IRAK1BP1: variants seen among roughly 807,000 people sequenced by gnomAD.
The protein encoded by IRAK1BP1 is interleukin 1 receptor associated kinase 1 binding protein 1, also known as interleukin-1 receptor-associated kinase 1-binding protein 1.
A neutral mutation model predicts 28.0 loss-of-function variants in IRAK1BP1; 24 were observed. That is an observed-to-expected ratio of 0.86 (90% CI 0.62 to 1.20). The LOEUF is 1.20. Ranked by LOEUF, IRAK1BP1 falls within the 50% of genes most tolerant of loss-of-function variation. The probability of loss-of-function intolerance (pLI) is 0.00; values close to 1 mark genes in which losing one functional copy is unlikely to be tolerated. For synonymous variants in IRAK1BP1, 131 were observed against 116.3 expected, an observed-to-expected ratio of 1.13 and a Z score of -0.81; for missense variants, 336 against 316.7, an observed-to-expected ratio of 1.06 and a Z score of -0.46.
chr6:78,958,743 G>A, the IRAK1BP1 span: 1 of 625,582 alleles, frequency 1.6e-6, no homozygotes, highest in Non-Finnish European at 2.8e-6. Context: ...CATTTTCAAA[G>A]CAGCATAACT....
rs138185348 is a variant in IRAK1BP1 at position 78,918,735 on chromosome 6, A to G, written c.*67+15625A>G. ...TACTTCTAGACCTATAACAAGACTT[A>G]GACAGCCACACAATAATAGTGGGGG... On this transcript the variant is annotated intron_variant and NMD_transcript_variant, in intron 4 of 4. Transcript: ENST00000606868. Among the ~76,000 whole-genome samples the G allele has an allele frequency of 3.1e-3, 474 of 152,318 alleles. 2 individuals carry two copies. Among genetic ancestry groups the G allele is most frequent in the African/African-American group, 0.01 (419 of 41,562 alleles).
chr6:78,970,814 G>C, the IRAK1BP1 span: 1 of 1,609,496 alleles, frequency 6.2e-7, no homozygotes, highest in Non-Finnish European at 8.5e-7. Context: ...GTTGTTTTTT[G>C]GGATTGATAC....
At chr6:78,884,786 C>T (rs1016347603) in intron 1 of IRAK1BP1, among the ~76,000 whole-genome samples, 1 of 152,056 alleles carries the variant, frequency 6.6e-6, no homozygotes, top group Admixed American at 6.6e-5. Context: ...TTTTTTAAAA[C>T]ACTGACACTC....
intron 2 of IRAK1BP1, among the ~76,000 whole-genome samples, chr6:78,895,420 C>A (rs1360678964): frequency 6.6e-6 from 1 of 152,040 alleles, no homozygotes; most frequent in Non-Finnish European, 1.5e-5. Flanking sequence ...AAATTACAGA[C>A]CAATATCCAT....
chr6:78,918,475 G>T (rs768040639), intron 4 of IRAK1BP1, among the ~76,000 whole-genome samples: 7 of 148,414 alleles, frequency 4.7e-5, no homozygotes, highest in Non-Finnish European at 8.9e-5. Context: ...ACACTCATAG[G>T]CTCAGAGTAA....
chr6:78,968,550 G>A, the IRAK1BP1 span, among the ~76,000 whole-genome samples: 26 of 152,270 alleles, frequency 1.7e-4, no homozygotes, highest in East Asian at 3.9e-3. Context: ...ATCCATGGAG[G>A]TCCTGGAAGT....
the IRAK1BP1 span, among the ~76,000 whole-genome samples, chr6:78,965,436 T>C: frequency 6.6e-6 from 1 of 152,336 alleles, no homozygotes; most frequent in East Asian, 1.9e-4. Context: ...ATGCACACTT[T>C]CTTGGGTGAA....
intron 4 of IRAK1BP1, among the ~76,000 whole-genome samples, chr6:78,924,288 C>T (rs1386265902): frequency 1.3e-5 from 2 of 152,158 alleles, no homozygotes; most frequent in Admixed American, 6.5e-5. Flanking sequence ...ACTATAAACA[C>T]CTCTACGCAA....
At chr6:78,907,222 A>G (rs1454226135), downstream of IRAK1BP1, among the ~76,000 whole-genome samples, 3 of 152,194 alleles carry the variant, frequency 2.0e-5, no homozygotes, top group African/African-American at 2.4e-5. Flanking sequence ...GTGTTTTTCT[A>G]GTTACTGTGT....
intron 1 of IRAK1BP1, among the ~76,000 whole-genome samples, chr6:78,883,548 A>C (rs1771306096): frequency 6.6e-6 from 1 of 152,136 alleles, no homozygotes; most frequent in South Asian, 2.1e-4. Flanking sequence ...ATAATTTTTC[A>C]ATCAGAAGTT....
chr6:78,893,707 A>G (rs1300629739), intron 2 of IRAK1BP1, among the ~76,000 whole-genome samples: 2 of 152,206 alleles, frequency 1.3e-5, no homozygotes, highest in South Asian at 4.1e-4. Flanking sequence ...GTTCAAAACC[A>G]GCCTGGCCAA....
chr6:78,928,698 T>A (rs1349156294), intron 4 of IRAK1BP1, among the ~76,000 whole-genome samples: 1 of 152,134 alleles, frequency 6.6e-6, no homozygotes, highest in Non-Finnish European at 1.5e-5. Flanking sequence ...CCCTTCTATG[T>A]CCAGTTTCTT....
intron 1 of IRAK1BP1, among the ~76,000 whole-genome samples, chr6:78,868,252 C>T (rs568895875): frequency 6.6e-6 from 1 of 152,302 alleles, no homozygotes; most frequent in African/African-American, 2.4e-5. Context: ...GTGCTGGACA[C>T]TAAATATTTT....
chr6:78,898,942 A>G lies in IRAK1BP1; in HGVS notation c.*608A>G, dbSNP rs1032971512. On this transcript the variant is annotated 3_prime_UTR_variant, in exon 4 of 4. Transcript: ENST00000369940. ...CTGTTACTTCTTCATGGATGCTAACAGAAGACTTGAGATTCCCAGACAGAA... is the reference window on the plus strand; with the variant it reads ...CTGTTACTTCTTCATGGATGCTAACGGAAGACTTGAGATTCCCAGACAGAA... The G allele has an allele frequency of 2.0e-5, 3 of 152,204 alleles. No homozygotes were observed. Among genetic ancestry groups the G allele is most frequent in the Admixed American group, 2.0e-4 (3 of 15,274 alleles). The allele number at this position is 152,204 out of a possible 1,614,324, so 9.4% of individuals were successfully genotyped here. A position where few individuals can be genotyped will look rare whatever the true frequency, so the allele number is the denominator to read the frequency against.
the IRAK1BP1 span, among the ~76,000 whole-genome samples, chr6:78,978,081 A>C: frequency 6.6e-6 from 1 of 152,240 alleles, no homozygotes; most frequent in East Asian, 1.9e-4. Flanking sequence ...TCACAAGTAC[A>C]TATTCTAAAA....
At chr6:78,945,162 C>T (rs1205807244) in intron 4 of IRAK1BP1, 2 of 643,154 alleles carry the variant, frequency 3.1e-6, no homozygotes, top group East Asian at 5.3e-5. Context: ...TAGCTCATTG[C>T]AGTAAATTTA....
chr6:78,946,651 G>A (rs1773835013), downstream of IRAK1BP1: 3 of 1,473,512 alleles, frequency 2.0e-6, no homozygotes, highest in Non-Finnish European at 1.8e-6. Flanking sequence ...AAAACACCAA[G>A]TTCTATCATT....
downstream of IRAK1BP1, among the ~76,000 whole-genome samples, chr6:78,907,516 C>CT (rs920983783): frequency 1.8e-4 from 28 of 152,066 alleles, no homozygotes; most frequent in African/African-American, 6.8e-4. Context: ...ACAGAAGATC[C>CT]TTTCCTGAGG....
chr6:78,914,160 T>G (rs1772497556), intron 4 of IRAK1BP1, among the ~76,000 whole-genome samples: 1 of 152,130 alleles, frequency 6.6e-6, no homozygotes, highest in African/African-American at 2.4e-5. Context: ...TACTAGGTAA[T>G]CTTAATAACT....
Sources: allele counts gnomAD v4.1 joint callset (sites outside exome capture counted in the v4.1 genomes callset), GRCh38; gene constraint gnomAD v4.1.1; transcripts MANE v1.5; gene names NCBI Gene and HGNC (gene_info 2026-07-23, HGNC 2026-07-21).